Variants in HMGCLL1 observed in about 807,000 individuals in gnomAD.
HMGCLL1 encodes 3-hydroxymethyl-3-methylglutaryl-CoA lyase, cytoplasmic.
Under a neutral mutation model 39.1 loss-of-function variants are expected in HMGCLL1, and 36 were observed. The ratio of observed to expected loss-of-function variants is 0.92; its 90% CI spans 0.71 to 1.22. The LOEUF (loss-of-function observed/expected upper bound fraction) is 1.22. Among genes scored for constraint, HMGCLL1 ranks in the 50% most tolerant of loss-of-function variants. HMGCLL1 has a pLI of 0.00. For missense variants in HMGCLL1, 451 were observed against 416.5 expected (o/e 1.08, Z -0.72); for synonymous variants, 149 against 144.0 (o/e 1.03, Z -0.25).
the HMGCLL1 span, among the ~76,000 whole-genome samples, chr6:55,647,438 A>G: frequency 5.3e-5 from 8 of 151,636 alleles, no homozygotes; most frequent in Admixed American, 5.3e-4. Context: ...CAATTTTATT[A>G]TTTGCTTTCT....
At chr6:55,594,782 T>C in the HMGCLL1 span, among the ~76,000 whole-genome samples, 1 of 152,070 alleles carries the variant, frequency 6.6e-6, no homozygotes, top group African/African-American at 2.4e-5. Context: ...CTGTGCCTAG[T>C]GTGATGAGAT....
intron 1 of HMGCLL1, among the ~76,000 whole-genome samples, chr6:55,545,110 G>A (rs1450638623): frequency 6.6e-6 from 1 of 151,540 alleles, no homozygotes; most frequent in Non-Finnish European, 1.5e-5. Context: ...AAGCCATGTG[G>A]TCTCATTATC....
the HMGCLL1 span, among the ~76,000 whole-genome samples, chr6:55,647,774 T>A: frequency 2.9e-3 from 275 of 94,752 alleles, no homozygotes; most frequent in Admixed American, 5.9e-3. Context: ...ATTTTATTTT[T>A]TTTTTTTATT....
intron 5 of HMGCLL1, chr6:55,513,113 T>G (rs1767548841): frequency 6.6e-6 from 1 of 152,108 alleles, no homozygotes; most frequent in South Asian, 2.1e-4. Context: ...CTTTTTCCAT[T>G]TCTGCTTTCT....
chr6:55,583,184 T>C (rs981273991), upstream of HMGCLL1, among the ~76,000 whole-genome samples: 4 of 151,922 alleles, frequency 2.6e-5, no homozygotes, highest in African/African-American at 9.7e-5. Context: ...GATGAAGCCA[T>C]TTATTTTTCT....
chr6:55,494,943 C>T (rs915621303), intron 7 of HMGCLL1, among the ~76,000 whole-genome samples: 1 of 152,124 alleles, frequency 6.6e-6, no homozygotes, highest in African/African-American at 2.4e-5. Context: ...CAAAAGTAAG[C>T]TTGCCAACCT....
chr6:55,607,743 C>T, the HMGCLL1 span, among the ~76,000 whole-genome samples: 2 of 152,120 alleles, frequency 1.3e-5, no homozygotes, highest in African/African-American at 4.8e-5. Flanking sequence ...GTGTTGATCC[C>T]AAGAGCCTTC....
chr6:55,657,673 A>G, the HMGCLL1 span, among the ~76,000 whole-genome samples: 8 of 152,034 alleles, frequency 5.3e-5, no homozygotes, highest in Non-Finnish European at 1.2e-4. Flanking sequence ...CCCATCAGTG[A>G]TAGATTGGAT....
the HMGCLL1 span, among the ~76,000 whole-genome samples, chr6:55,618,791 A>G: frequency 2.0e-5 from 3 of 152,258 alleles, no homozygotes; most frequent in Non-Finnish European, 1.5e-5. Flanking sequence ...TTAAAAGCTA[A>G]AAATCATTGA....
At chr6:55,483,775 T>A (rs915129662) in intron 7 of HMGCLL1, among the ~76,000 whole-genome samples, 2 of 152,206 alleles carry the variant, frequency 1.3e-5, no homozygotes, top group African/African-American at 2.4e-5. Flanking sequence ...GCTACAATTA[T>A]GTCATTTTTT....
At chr6:55,653,418 G>A in the HMGCLL1 span, among the ~76,000 whole-genome samples, 1 of 151,916 alleles carries the variant, frequency 6.6e-6, no homozygotes, top group Admixed American at 6.6e-5. Context: ...AAACAGTTTG[G>A]ATTTTCAAGA....
At chr6:55,562,140 A>G (rs1770979446) in intron 1 of HMGCLL1, among the ~76,000 whole-genome samples, 2 of 152,148 alleles carry the variant, frequency 1.3e-5, no homozygotes, top group South Asian at 4.1e-4. Flanking sequence ...AAATTTCCTG[A>G]GATTGTAGGA....
At chr6:55,629,744 G>T in the HMGCLL1 span, among the ~76,000 whole-genome samples, 1 of 152,148 alleles carries the variant, frequency 6.6e-6, no homozygotes, top group Non-Finnish European at 1.5e-5. Context: ...ATGGCTGAAA[G>T]GGACCAACAT....
chr6:55,606,188 CAGA>C, the HMGCLL1 span, among the ~76,000 whole-genome samples: 2 of 152,076 alleles, frequency 1.3e-5, no homozygotes, highest in African/African-American at 2.4e-5. Context: ...GAGCTACAGA[CAGA>C]AGTTCACCTT....
intron 5 of HMGCLL1, among the ~76,000 whole-genome samples, chr6:55,499,643 A>T (rs115489578): frequency 6.6e-6 from 1 of 152,038 alleles, no homozygotes; most frequent in Non-Finnish European, 1.5e-5. Context: ...AATTACATAC[A>T]CTCAACTGTT....
chr6:55,588,394 C>T, the HMGCLL1 span, among the ~76,000 whole-genome samples: 1 of 151,826 alleles, frequency 6.6e-6, no homozygotes, highest in East Asian at 1.9e-4. Flanking sequence ...CTCTGGGACA[C>T]ATTTAAAACA....
chr6:55,543,564 T>C (rs1286248881), intron 1 of HMGCLL1, among the ~76,000 whole-genome samples: 4 of 120,306 alleles, frequency 3.3e-5, no homozygotes, highest in Non-Finnish European at 5.0e-5. Context: ...ATTTATATAT[T>C]TTTATATATA....
chr6:55,485,612 A>G (rs1765984235), intron 7 of HMGCLL1, among the ~76,000 whole-genome samples: 1 of 152,020 alleles, frequency 6.6e-6, no homozygotes, highest in Non-Finnish European at 1.5e-5. Context: ...ATTTGTGAGG[A>G]AAAAACATTT....
chr6:55,676,781 TG>T, the HMGCLL1 span, among the ~76,000 whole-genome samples: 2 of 152,248 alleles, frequency 1.3e-5, no homozygotes, highest in African/African-American at 4.8e-5. Flanking sequence ...TGTAATAGCT[TG>T]GTTTTAAGAA....
Sources: gnomAD v4.1 joint callset for allele counts (sites outside exome capture counted in the v4.1 genomes callset) on GRCh38, gnomAD v4.1.1 for gene constraint, MANE v1.5 for transcripts, NCBI Gene and HGNC (gene_info 2026-07-23, HGNC 2026-07-21) for gene names.